TCF4: variants seen among roughly 807,000 people sequenced by gnomAD.
TCF4 encodes the protein transcription factor 4.
In TCF4, 3 loss-of-function variants were observed where a neutral mutation model predicts 82.1. That is an observed-to-expected ratio of 0.04 (90% CI 0.02 to 0.09). The LOEUF (loss-of-function observed/expected upper bound fraction) is 0.09. TCF4 is among the 10% of genes least tolerant of loss of function. TCF4 has a pLI of 1.00. For missense variants in TCF4, 518 were observed against 852.7 expected (o/e 0.61, Z 4.89); for synonymous variants, 276 against 309.6 (o/e 0.89, Z 1.14).
rs144689265 is a variant in TCF4, at chr18:55,298,163, G to A, written c.550-18507C>T. On this transcript the variant is annotated intron_variant, in intron 8 of 19. Transcript: ENST00000354452. ...ACACTATCTCATGCCTCTGAAGTGT[G>A]TCTCTACAAATATAAACCCACATTT... is the stretch of plus-strand genomic sequence containing the variant. Among the ~76,000 whole-genome samples, 158 of 152,260 alleles carry A rather than the reference G, an allele frequency of 1.0e-3. 1 individual carries two copies. The highest frequency in any genetic ancestry group is 3.7e-3 in the African/African-American group (155 of 41,562).
At chr18:55,538,828 C>T (rs934638705) in intron 3 of TCF4, among the ~76,000 whole-genome samples, 2 of 151,930 alleles carry the variant, frequency 1.3e-5, no homozygotes, top group Non-Finnish European at 2.9e-5. Flanking sequence ...ATTTTACAGG[C>T]GAAAATGAAA....
At chr18:55,309,242 G>A (rs2071413197) in intron 8 of TCF4, among the ~76,000 whole-genome samples, 1 of 151,734 alleles carries the variant, frequency 6.6e-6, no homozygotes, top group African/African-American at 2.4e-5. Context: ...CTCCTAAGTA[G>A]CTGGGACTAT....
At chr18:55,376,018 CTTTTTTTTTTTTT>C (rs772990901) in intron 6 of TCF4, among the ~76,000 whole-genome samples, 2 of 122,762 alleles carry the variant, frequency 1.6e-5, no homozygotes, top group Admixed American at 8.4e-5. Flanking sequence ...TTTTCTTCTC[CTTTTTTTTTTTTT>C]TTTTTTTTTA....
At chr18:55,351,271 T>G (rs2082258039) in intron 6 of TCF4, 1 of 400,140 alleles carries the variant, frequency 2.5e-6, no homozygotes, top group South Asian at 2.5e-5. Context: ...GACTCACGTT[T>G]TCATTTCACA....
intron 15 of TCF4, among the ~76,000 whole-genome samples, chr18:55,236,016 AATAT>A (rs1255937325): frequency 6.6e-6 from 1 of 152,172 alleles, no homozygotes; most frequent in Non-Finnish European, 1.5e-5. Context: ...TTTTACTGAA[AATAT>A]ATTTAAGTAA....
At chr18:55,599,848 A>G (rs927292958) in intron 2 of TCF4, among the ~76,000 whole-genome samples, 2 of 152,196 alleles carry the variant, frequency 1.3e-5, no homozygotes, top group Non-Finnish European at 2.9e-5. Context: ...CATTTCCAAC[A>G]ACCCAGAAGG....
At chr18:55,323,012 T>TGATCACAACTGAACAATAGAATCCTTATA (rs2075969734) in intron 8 of TCF4, among the ~76,000 whole-genome samples, 1 of 152,236 alleles carries the variant, frequency 6.6e-6, no homozygotes, top group Admixed American at 6.5e-5. Flanking sequence ...TCACCTTTAT[T>TGATCACAACTGAACAATAGAATCCTTATA]GATCACAACT....
chr18:55,296,920 A>G (rs1215808859), intron 8 of TCF4, among the ~76,000 whole-genome samples: 2 of 152,176 alleles, frequency 1.3e-5, no homozygotes, highest in Non-Finnish European at 2.9e-5. Context: ...GGGTGAGCCA[A>G]GCCATGCTTT....
At chr18:55,346,081 T>C (rs759995641) in intron 8 of TCF4, among the ~76,000 whole-genome samples, 5 of 152,148 alleles carry the variant, frequency 3.3e-5, no homozygotes, top group Non-Finnish European at 5.9e-5. Context: ...ATGTTTGAAA[T>C]CTTCAAATAG....
intron 3 of TCF4, among the ~76,000 whole-genome samples, chr18:55,470,392 A>G (rs1032446275): frequency 5.3e-5 from 8 of 152,312 alleles, no homozygotes; most frequent in Admixed American, 2.6e-4. Flanking sequence ...AAACAATCCT[A>G]CCTTCTCCGT....
chr18:55,549,238 C>A (rs755484987), intron 3 of TCF4, among the ~76,000 whole-genome samples: 2 of 151,970 alleles, frequency 1.3e-5, no homozygotes, highest in African/African-American at 4.8e-5. Context: ...GAGGCGGAGG[C>A]TGCAGTAAGC....
At chr18:55,588,882 T>C (rs1306007933), upstream of TCF4, among the ~76,000 whole-genome samples, 1 of 152,060 alleles carries the variant, frequency 6.6e-6, no homozygotes, top group African/African-American at 2.4e-5. Context: ...TGTTGTTTTG[T>C]TTTTGCACTT....
chr18:55,384,132 T>G (rs1474660695), intron 6 of TCF4: 1 of 152,200 alleles, frequency 6.6e-6, no homozygotes, highest in Non-Finnish European at 1.5e-5. Context: ...ATCTCTTCAA[T>G]TATGCTGCCT....
At chr18:55,403,601 C>T (rs1279210102) in intron 5 of TCF4, 83 bp from the exon 6 acceptor site, 1 of 1,612,992 alleles carries the variant, frequency 6.2e-7, no homozygotes, top group Non-Finnish European at 8.5e-7. Context: ...ATCTACTGCT[C>T]TTCCCCGATG....
intron 5 of TCF4, among the ~76,000 whole-genome samples, chr18:55,446,756 A>T (rs1310309767): frequency 6.6e-6 from 1 of 152,112 alleles, no homozygotes; most frequent in South Asian, 2.1e-4. Flanking sequence ...AGGCCGAGGC[A>T]GGCGGATCAC....
chr18:55,481,097 C>A (rs1454343856), intron 3 of TCF4, among the ~76,000 whole-genome samples: 1 of 102,872 alleles, frequency 9.7e-6, no homozygotes. Flanking sequence ...GAGCAAGACT[C>A]CATCTCAAAA....
Position 55,619,137 on chromosome 18 carries a change from ATGTTTGTT to A in TCF4, c.286+12153_286+12160del, listed in dbSNP as rs147143278. Among the ~76,000 whole-genome samples, 685 of 151,606 alleles carry A rather than the reference ATGTTTGTT, an allele frequency of 4.5e-3. 3 individuals carry two copies. Among genetic ancestry groups the A allele is most frequent in the African/African-American group, 0.015 (613 of 41,328 alleles). On this transcript the variant is annotated intron_variant, in intron 2 of 20. Coordinates refer to the TCF4 transcript ENST00000398339. ...TTTGGGTTTTGTTTTGGGTTGTTTT[ATGTTTGTT>A]TGTTTGTTTGTTTGTTTTGGTGGTG...
chr18:55,374,164 C>CA (rs944901844), intron 6 of TCF4, among the ~76,000 whole-genome samples: 1 of 150,430 alleles, frequency 6.6e-6, no homozygotes, highest in Non-Finnish European at 1.5e-5. Flanking sequence ...AAGCTGTAAC[C>CA]AATGAAAAAT....
intron 6 of TCF4, among the ~76,000 whole-genome samples, chr18:55,364,272 C>G (rs1214935321): frequency 2.6e-5 from 4 of 152,026 alleles, no homozygotes; most frequent in Non-Finnish European, 5.9e-5. Flanking sequence ...AACATTATAT[C>G]TGTGAAAATT....
Sources: allele counts gnomAD v4.1 joint callset (sites outside exome capture counted in the v4.1 genomes callset), GRCh38; gene constraint gnomAD v4.1.1; transcripts MANE v1.5; gene names NCBI Gene and HGNC (gene_info 2026-07-23, HGNC 2026-07-21).